KIF1B: variants seen among roughly 807,000 people sequenced by gnomAD.
KIF1B encodes the protein kinesin family member 1B.
In KIF1B, 76 loss-of-function variants were observed where a neutral mutation model predicts 241.9. The ratio of observed to expected loss-of-function variants is 0.31; its 90% CI spans 0.26 to 0.38. The LOEUF (loss-of-function observed/expected upper bound fraction) is 0.38, where lower values mean the gene tolerates loss of function less well. Ranked by LOEUF, KIF1B falls within the 10% of genes least tolerant of loss-of-function variation. The pLI is 1.00. For missense variants in KIF1B, 1,622 were observed against 2,271.4 expected (o/e 0.71, Z 5.81); for synonymous variants, 750 against 796.7 (o/e 0.94, Z 0.99).
intron 22 of KIF1B, chr1:10,304,870 A>G: frequency 7.2e-7 from 1 of 1,396,504 alleles, no homozygotes; most frequent in East Asian, 2.7e-5. Context: ...AAGCATCAAG[A>G]ACTCCTTTTT....
intron 22 of KIF1B, chr1:10,306,930 G>A: frequency 4.8e-6 from 5 of 1,046,368 alleles, no homozygotes; most frequent in Non-Finnish European, 5.8e-6. Flanking sequence ...ACTCTCCACT[G>A]GTGATTAGGT....
At chr1:10,312,178 A>G (rs1234917699) in intron 22 of KIF1B, among the ~76,000 whole-genome samples, 2 of 151,480 alleles carry the variant, frequency 1.3e-5, no homozygotes, top group Non-Finnish European at 2.9e-5. Context: ...CCTTACATTT[A>G]AATCATTTGA....
Position 10,339,936 on chromosome 1 carries a change from G to A in KIF1B, c.3513+77G>A. On this transcript the variant is annotated intron_variant, in intron 32 of 48. Coordinates refer to ENST00000676179, the MANE Select transcript of KIF1B (RefSeq NM_001365951.3). ...TTTCTCAGCCCGGGAAGGGTGATAA[G>A]AAGAGGTACAAGTCACTGGCTGTGC... 3.3e-6 allele frequency: 4 copies of A among 1,223,422 alleles called. No homozygotes were observed. In the Admixed American group the frequency reaches 5.5e-5, roughly 17 times the overall value. The allele number at this position is 1,223,422 out of a possible 1,614,324, so 75.8% of individuals were successfully genotyped here. A position where few individuals can be genotyped will look rare whatever the true frequency, so the allele number is the denominator to read the frequency against.
intron 38 of KIF1B, among the ~76,000 whole-genome samples, chr1:10,358,849 C>G (rs1157296953): frequency 6.6e-6 from 1 of 152,154 alleles, no homozygotes; most frequent in Non-Finnish European, 1.5e-5. Context: ...CCTCCTGTGC[C>G]CAGGGAGCCC....
At chr1:10,276,711 T>C (rs753503289) in intron 12 of KIF1B, among the ~76,000 whole-genome samples, 12 of 152,206 alleles carry the variant, frequency 7.9e-5, no homozygotes. Flanking sequence ...GGGTAACTTT[T>C]AGGTAATAGT....
At chr1:10,275,947 C>A (rs1355054221) in intron 11 of KIF1B, among the ~76,000 whole-genome samples, 2 of 151,318 alleles carry the variant, frequency 1.3e-5, no homozygotes, top group Non-Finnish European at 2.9e-5. Flanking sequence ...GTGCTGTTGC[C>A]CAGGCTGGAG....
At chr1:10,261,712 C>G (rs921064258) in intron 4 of KIF1B, among the ~76,000 whole-genome samples, 193 bp from the exon 5 acceptor site, 2 of 152,176 alleles carry the variant, frequency 1.3e-5, no homozygotes, top group African/African-American at 4.8e-5. Context: ...TGCAGTCCAT[C>G]GTTGACCGAA....
chr1:10,280,013 T>G (rs1306800008), intron 14 of KIF1B, among the ~76,000 whole-genome samples: 1 of 152,084 alleles, frequency 6.6e-6, no homozygotes. Context: ...ATTCCTCTTT[T>G]CATAAGTCAC....
intron 27 of KIF1B, among the ~76,000 whole-genome samples, chr1:10,331,431 C>G (rs1277763968): frequency 6.6e-6 from 1 of 152,180 alleles, no homozygotes; most frequent in African/African-American, 2.4e-5. Flanking sequence ...TTCTCTCTCT[C>G]CTGCTTTGGA....
intron 1 of KIF1B, among the ~76,000 whole-genome samples, chr1:10,222,187 A>G (rs1646853655): frequency 6.6e-6 from 1 of 152,324 alleles, no homozygotes; most frequent in Non-Finnish European, 1.5e-5. Context: ...AAGCAGACGG[A>G]TATTAAGAAA....
intron 24 of KIF1B, 40 bp downstream of exon 24, chr1:10,321,897 C>G: frequency 1.9e-6 from 3 of 1,612,862 alleles, no homozygotes; most frequent in Non-Finnish European, 2.5e-6. Flanking sequence ...GAGGCAAAGC[C>G]GAGCCTGCTG....
intron 27 of KIF1B, among the ~76,000 whole-genome samples, chr1:10,330,579 G>A (rs951113949): frequency 6.6e-6 from 1 of 151,948 alleles, no homozygotes; most frequent in Non-Finnish European, 1.5e-5. Flanking sequence ...CCATTATGAG[G>A]TGGCTCTGAA....
chr1:10,369,648 G>C (rs1325008550), intron 44 of KIF1B, among the ~76,000 whole-genome samples: 3 of 151,714 alleles, frequency 2.0e-5, no homozygotes, highest in African/African-American at 4.8e-5. Flanking sequence ...TAACGGACTG[G>C]GGGGCTGGCT....
chr1:10,338,290 G>A (rs541847172), intron 31 of KIF1B, among the ~76,000 whole-genome samples: 7 of 152,124 alleles, frequency 4.6e-5, no homozygotes, highest in South Asian at 2.1e-4. Context: ...TGCCTTGGCC[G>A]TCCCATGGGT....
intron 15 of KIF1B, among the ~76,000 whole-genome samples, chr1:10,284,086 A>C (rs1403748389): frequency 1.3e-5 from 2 of 152,218 alleles, no homozygotes; most frequent in East Asian, 3.8e-4. Flanking sequence ...TCAAAAGTAC[A>C]GTGTGGGCCG....
At chr1:10,211,260 C>T (rs1167267570) in intron 1 of KIF1B, among the ~76,000 whole-genome samples, 3 of 152,248 alleles carry the variant, frequency 2.0e-5, no homozygotes, top group Non-Finnish European at 4.4e-5. Flanking sequence ...TTCTCATTTT[C>T]CCTCTCCCCT....
At position 10,337,059 on chromosome 1, in the gene KIF1B, C is replaced by G. The variant is rs1418569566; in HGVS notation, c.3130-15C>G. ...ATACTACTTTACCATGTATCTGCCCCTGCCTTTTTTTCAGAGTGACTTTTC... is the reference window on the plus strand; with the variant it reads ...ATACTACTTTACCATGTATCTGCCCGTGCCTTTTTTTCAGAGTGACTTTTC... On this transcript the variant is annotated splice_polypyrimidine_tract_variant and intron_variant, in intron 29 of 48. Transcript: ENST00000676179. The surrounding 1 kb of genome is among the most constrained non-coding windows in gnomAD (Gnocchi z 4.0). 1 of 1,614,140 alleles carries G rather than the reference C, an allele frequency of 6.2e-7. No individual in the cohort carries two copies. The highest frequency in any genetic ancestry group is 1.7e-5 in the Admixed American group (1 of 60,028).
At chr1:10,350,947 G>T (rs1287010471) in intron 37 of KIF1B, among the ~76,000 whole-genome samples, 6 of 151,988 alleles carry the variant, frequency 3.9e-5, no homozygotes, top group Non-Finnish European at 8.8e-5. Context: ...AATAAGCTGG[G>T]TGTGGTGGCT....
Position 10,322,657 on chromosome 1 carries a change from C to T in KIF1B, c.2358+800C>T, listed in dbSNP as rs570369038. On this transcript the variant is annotated intron_variant, in intron 24 of 48. Transcript: ENST00000676179. ...GGAAATTAATTATCTTCTCCTAGAA[C>T]TAAATTCTAGTTTTAGGGAATACGA... is the stretch of plus-strand genomic sequence containing the variant. 2.0e-3 allele frequency among the ~76,000 whole-genome samples: 297 copies of T among 152,250 alleles called. 1 individual carries two copies. Among genetic ancestry groups the T allele is most frequent in the African/African-American group, 6.8e-3 (284 of 41,558 alleles).
Sources: gnomAD v4.1 joint callset for allele counts (sites outside exome capture counted in the v4.1 genomes callset) on GRCh38, gnomAD v4.1.1 for gene constraint, Gnocchi (gnomAD v3.1) non-coding constraint, MANE v1.5 for transcripts, NCBI Gene and HGNC (gene_info 2026-07-23, HGNC 2026-07-21) for gene names.